The following SEPTIN10 variants were observed in gnomAD, a reference collection of about 807,000 sequenced individuals.
SEPTIN10 encodes septin-10.
SEPTIN10 carries 66 observed loss-of-function variants against 54.8 expected under a neutral mutation model. The ratio of observed to expected loss-of-function variants is 1.21; its 90% CI spans 0.99 to 1.48. The LOEUF is 1.48. SEPTIN10 is among the 40% of genes most tolerant of loss of function. The probability of loss-of-function intolerance (pLI) is 0.00; values close to 1 mark genes in which losing one functional copy is unlikely to be tolerated. For synonymous variants in SEPTIN10, 161 were observed against 181.0 expected (o/e 0.89, Z 0.89); for missense variants, 620 against 545.6 (o/e 1.14, Z -1.36).
intron 2 of SEPTIN10, among the ~76,000 whole-genome samples, chr2:109,590,518 G>A (rs1044119920): frequency 6.6e-6 from 1 of 151,740 alleles, no homozygotes; most frequent in Non-Finnish European, 1.5e-5. Flanking sequence ...TGCAACCTCT[G>A]CCTCCTGGGT....
chr2:109,594,113 AAATGG>A (rs1328763713), intron 1 of SEPTIN10, among the ~76,000 whole-genome samples: 1 of 152,352 alleles, frequency 6.6e-6, no homozygotes, highest in African/African-American at 2.4e-5. Context: ...GTTGTAAACC[AAATGG>A]ATATTCACTG....
chr2:109,587,584 A>AG (rs753413397), intron 2 of SEPTIN10, among the ~76,000 whole-genome samples: 26 of 152,184 alleles, frequency 1.7e-4, no homozygotes, highest in Non-Finnish European at 2.9e-5. Context: ...ACTCACATCT[A>AG]GGGACATCAC....
chr2:109,609,025 T>C (rs770930513), intron 1 of SEPTIN10, among the ~76,000 whole-genome samples: 14 of 152,354 alleles, frequency 9.2e-5, no homozygotes, highest in Non-Finnish European at 1.5e-4. Context: ...TCCTTCTCCT[T>C]CTTTCCCACA....
rs746999897 is a variant in SEPTIN10, at chr2:109,564,551, A to G, written c.860-17T>C. 1 of 1,474,824 alleles carries G rather than the reference A, an allele frequency of 6.8e-7. No individual in the cohort carries two copies. Among genetic ancestry groups the G allele is most frequent in the Non-Finnish European group, 9.1e-7 (1 of 1,101,766 alleles). The allele number at this position is 1,474,824 out of a possible 1,614,324, so 91.4% of individuals were successfully genotyped here. A position where few individuals can be genotyped will look rare whatever the true frequency, so the allele number is the denominator to read the frequency against. ...CATTTTCCACTAGCCAAAAAAAAATAAGAAAAGAACAACACTGGATTTTAA... is the reference window on the plus strand; with the variant it reads ...CATTTTCCACTAGCCAAAAAAAAATGAGAAAAGAACAACACTGGATTTTAA... On this transcript the variant is annotated splice_polypyrimidine_tract_variant and intron_variant, in intron 7 of 10. Transcript: ENST00000397712.
chr2:109,587,491 G>A (rs1573703232), intron 2 of SEPTIN10, among the ~76,000 whole-genome samples: 1 of 152,254 alleles, frequency 6.6e-6, no homozygotes, highest in African/African-American at 2.4e-5. Flanking sequence ...AAATAATAGT[G>A]ACTGAAAACT....
intron 9 of SEPTIN10, among the ~76,000 whole-genome samples, chr2:109,547,100 C>T (rs1681455667): frequency 6.6e-6 from 1 of 152,214 alleles, no homozygotes. Flanking sequence ...CCAAAGACAA[C>T]TTCAGACCCT....
intron 8 of SEPTIN10, among the ~76,000 whole-genome samples, chr2:109,553,679 C>A (rs1308877076): frequency 1.3e-5 from 2 of 151,854 alleles, no homozygotes; most frequent in African/African-American, 2.4e-5. Flanking sequence ...ATGGTGAAAC[C>A]CTGTCTCTAC....
Position 109,569,513 on chromosome 2 carries a change from G to A in SEPTIN10, c.601-1537C>T, listed in dbSNP as rs540949039. Among the ~76,000 whole-genome samples the A allele has an allele frequency of 1.9e-4, 29 of 150,272 alleles. No individual in the cohort carries two copies. In the South Asian group the frequency reaches 5.9e-3, roughly 31 times the overall value. ...TTATCTTCTCAAATTTCACATTGAT[G>A]CCAAGTATATATCTGAATTTATCAG... On this transcript the variant is annotated intron_variant, in intron 5 of 10. Transcript: ENST00000397712.
intron 8 of SEPTIN10, 49 bp downstream of exon 8, chr2:109,564,317 A>G (rs767505299): frequency 3.5e-6 from 5 of 1,438,362 alleles, no homozygotes; most frequent in South Asian, 3.5e-5. Flanking sequence ...AAAATATGCA[A>G]TCCTCTCTAA....
At chr2:109,547,964 C>T (rs1044840837) in intron 9 of SEPTIN10, among the ~76,000 whole-genome samples, 3 of 152,128 alleles carry the variant, frequency 2.0e-5, no homozygotes, top group Non-Finnish European at 2.9e-5. Flanking sequence ...GTGGGAGCAA[C>T]GTCTCCCTGA....
chr2:109,579,637 C>G (rs1690615647), intron 4 of SEPTIN10, among the ~76,000 whole-genome samples: 1 of 151,488 alleles, frequency 6.6e-6, no homozygotes, highest in African/African-American at 2.4e-5. Context: ...CCCACCTTGG[C>G]CTCCCAAAGT....
intron 10 of SEPTIN10, 22 bp downstream of exon 10, chr2:109,546,028 G>T (rs1487286913): frequency 1.9e-6 from 3 of 1,547,480 alleles, no homozygotes; most frequent in Non-Finnish European, 2.6e-6. Flanking sequence ...GGGCTGCCAG[G>T]GAGGGTGGCT....
At position 109,546,059 on chromosome 2, in the gene SEPTIN10, T is replaced by C; in HGVS notation, c.1340A>G (p.Asp447Gly). 1 of 1,586,726 alleles carries C rather than the reference T, an allele frequency of 6.3e-7. No individual in the cohort carries two copies. The highest frequency in any genetic ancestry group is 1.1e-5 in the South Asian group (1 of 87,048). Residue 447 changes from aspartate to glycine, a missense_variant, in exon 10 of 11, where the codon GAC becomes GGC. Coordinates refer to ENST00000397712, the MANE Select transcript of SEPTIN10 (RefSeq NM_144710.5). ...ATGSNLRKDK[D>G]RKNSNFL ...TGGCTGGGCCTCTTACTTCTTACGGTCCTTGTCCTTCCTCAGGTTGCTGCC... is the reference window on the plus strand; with the variant it reads ...TGGCTGGGCCTCTTACTTCTTACGGCCCTTGTCCTTCCTCAGGTTGCTGCC...
rs565090592 is a variant in SEPTIN10 at position 109,564,252 on chromosome 2, T to C, written c.1028+114A>G. 33 of 941,564 alleles carry C rather than the reference T, an allele frequency of 3.5e-5. No individual in the cohort carries two copies. In the South Asian group the frequency reaches 1.2e-3, roughly 34 times the overall value. 58.3% of individuals were successfully genotyped at this position (941,564 alleles called of 1,614,324 possible). A position where few individuals can be genotyped will look rare whatever the true frequency, so the allele number is the denominator to read the frequency against. On this transcript the variant is annotated intron_variant, in intron 8 of 10. Coordinates refer to ENST00000397712, the MANE Select transcript of SEPTIN10 (RefSeq NM_144710.5). ...AATTAGTCATTACCAAATGATTCTA[T>C]ATCATGGTTTTGGGAGATTCTAAAG... is the stretch of plus-strand genomic sequence containing the variant.
At chr2:109,557,027 G>C (rs755417851) in intron 8 of SEPTIN10, among the ~76,000 whole-genome samples, 1 of 152,104 alleles carries the variant, frequency 6.6e-6, no homozygotes, top group Admixed American at 6.6e-5. Context: ...GTTGTGGGGT[G>C]GGGAGAGGCG....
intron 8 of SEPTIN10, among the ~76,000 whole-genome samples, chr2:109,563,772 C>T (rs1686251361): frequency 6.6e-6 from 1 of 152,220 alleles, no homozygotes; most frequent in Admixed American, 6.5e-5. Context: ...AAGCTTCACT[C>T]ATTCCAAAAC....
chr2:109,613,567 T>C (rs1699756713), intron 1 of SEPTIN10: 1 of 256,102 alleles, frequency 3.9e-6, no homozygotes. Context: ...GTCCCGACGC[T>C]GGCGCCGCGC....
At position 109,565,892 on chromosome 2, in the gene SEPTIN10, C is replaced by T. The variant is rs370545342; in HGVS notation, c.763-33G>A. ...AGAATATCGAGCACATCTTCTCATA[C>T]CACTGTGATAACTGACTAGATAAAA... On this transcript the variant is annotated intron_variant, in intron 6 of 10. Coordinates refer to ENST00000397712, the MANE Select transcript of SEPTIN10 (RefSeq NM_144710.5). 1.0e-5 allele frequency: 16 copies of T among 1,528,940 alleles called. No homozygotes were observed. The African/African-American group carries it at 1.6e-4, about 16-fold the overall frequency. The allele number at this position is 1,528,940 out of a possible 1,614,324, so 94.7% of individuals were successfully genotyped here. A position where few individuals can be genotyped will look rare whatever the true frequency, so the allele number is the denominator to read the frequency against.
chr2:109,612,603 CAT>C (rs1699490977), intron 1 of SEPTIN10, among the ~76,000 whole-genome samples: 1 of 152,202 alleles, frequency 6.6e-6, no homozygotes, highest in Non-Finnish European at 1.5e-5. Flanking sequence ...ATAAATCTAA[CAT>C]CAGCTAAATG....
Sources: allele counts gnomAD v4.1 joint callset (sites outside exome capture counted in the v4.1 genomes callset), GRCh38; gene constraint gnomAD v4.1.1; transcripts MANE v1.5; gene names NCBI Gene and HGNC (gene_info 2026-07-23, HGNC 2026-07-21).